Variants in PLEKHA7 observed in about 807,000 individuals in gnomAD.
PLEKHA7 encodes the protein pleckstrin homology domain-containing family A member 7.
PLEKHA7 carries 104 observed loss-of-function variants against 170.0 expected under a neutral mutation model. The observed-to-expected ratio is 0.61, with a 90% CI of 0.52 to 0.72. PLEKHA7 has a LOEUF of 0.72. Ranked by LOEUF, PLEKHA7 falls within the 30% of genes least tolerant of loss-of-function variation. PLEKHA7 has a pLI of 0.00. For missense variants in PLEKHA7, 1,615 were observed against 1,671.7 expected (o/e 0.97, Z 0.59); for synonymous variants, 648 against 660.8 (o/e 0.98, Z 0.30).
At chr11:16,834,194 CA>C (rs1851338805) in intron 9 of PLEKHA7, among the ~76,000 whole-genome samples, 2 of 151,598 alleles carry the variant, frequency 1.3e-5, no homozygotes, top group Admixed American at 1.3e-4. Flanking sequence ...TTAGTAGAGA[CA>C]GCATTTTGCC....
At chr11:16,975,361 A>G (rs1158985834) in intron 3 of PLEKHA7, among the ~76,000 whole-genome samples, 1 of 152,258 alleles carries the variant, frequency 6.6e-6, no homozygotes, top group African/African-American at 2.4e-5. Flanking sequence ...CAACTCCAAA[A>G]AATTTTATCG....
At chr11:16,982,166 T>C (rs1863469200) in intron 3 of PLEKHA7, among the ~76,000 whole-genome samples, 1 of 152,210 alleles carries the variant, frequency 6.6e-6, no homozygotes, top group African/African-American at 2.4e-5. Context: ...TACAAATAGA[T>C]ATCTGAATGG....
chr11:16,819,799 G>A (rs1200575271), intron 10 of PLEKHA7, among the ~76,000 whole-genome samples: 1 of 152,220 alleles, frequency 6.6e-6, no homozygotes, highest in South Asian at 2.1e-4. Flanking sequence ...GTTTTGGGAG[G>A]GAGAGGAGAG....
intron 3 of PLEKHA7, chr11:16,975,093 T>A: frequency 5.0e-6 from 3 of 599,604 alleles, no homozygotes; most frequent in Non-Finnish European, 7.1e-6. Context: ...CTATGAGATT[T>A]CATCACATGC....
intron 26 of PLEKHA7, among the ~76,000 whole-genome samples, chr11:16,782,134 CACAT>C (rs920523629): frequency 4.7e-5 from 7 of 150,202 alleles, no homozygotes; most frequent in African/African-American, 9.8e-5. Flanking sequence ...CATACACACA[CACAT>C]AGACACACAT....
At chr11:16,932,954 C>A (rs1482688433) in intron 3 of PLEKHA7, among the ~76,000 whole-genome samples, 1 of 152,078 alleles carries the variant, frequency 6.6e-6, no homozygotes, top group African/African-American at 2.4e-5. Flanking sequence ...TCGGGTTAGC[C>A]TTATAATACC....
chr11:16,882,503 T>C (rs1471646431), intron 3 of PLEKHA7, among the ~76,000 whole-genome samples: 1 of 152,368 alleles, frequency 6.6e-6, no homozygotes, highest in East Asian at 1.9e-4. Context: ...AAATACCGAA[T>C]TGCCATAGCA....
intron 3 of PLEKHA7, among the ~76,000 whole-genome samples, chr11:16,910,437 T>A (rs1292975543): frequency 6.6e-6 from 1 of 152,226 alleles, no homozygotes; most frequent in Non-Finnish European, 1.5e-5. Context: ...GTGACTTCAT[T>A]TATGTTTGTA....
Position 16,786,282 on chromosome 11 carries a change from C to T in PLEKHA7, c.3463G>A (p.Val1155Ile). Residue 1155 changes from valine (V) to isoleucine (I), a missense_variant, in exon 24 of 27, where the codon GTC becomes ATC. Coordinates refer to ENST00000531066, the MANE Select transcript of PLEKHA7 (RefSeq NM_001329630.2). The part of the protein sequence containing the change: ...NGWLKVQAMP[V>I]TELDLEPQDY... ...TGAGGCTCCAGGTCCAACTCAGTGA[C>T]AGGCATGGCCTGCACTTTCAACCAG... is the stretch of plus-strand genomic sequence containing the variant. The T allele has an allele frequency of 1.3e-6, 2 of 1,536,172 alleles. No individual in the cohort carries two copies. The highest frequency in any genetic ancestry group is 1.7e-6 in the Non-Finnish European group (2 of 1,146,908).
At chr11:16,816,579 C>G (rs1195700177) in intron 11 of PLEKHA7, among the ~76,000 whole-genome samples, 3 of 152,186 alleles carry the variant, frequency 2.0e-5, no homozygotes, top group Non-Finnish European at 4.4e-5. Context: ...GAGTTCTCAT[C>G]TTTGAAATGG....
intron 3 of PLEKHA7, among the ~76,000 whole-genome samples, chr11:16,978,958 G>A (rs1028438641): frequency 6.6e-6 from 1 of 152,134 alleles, no homozygotes; most frequent in Admixed American, 6.5e-5. Context: ...TATGGTCACA[G>A]GGGTCCTCTA....
chr11:16,803,550 A>G (rs957982899), intron 13 of PLEKHA7: 9 of 481,496 alleles, frequency 1.9e-5, no homozygotes, highest in African/African-American at 1.6e-4. Context: ...TAGATGTTCA[A>G]GTTAAAGGAT....
rs35400424 is a variant in PLEKHA7 at position 16,823,656 on chromosome 11, T to C, written c.1343+2464A>G. On this transcript the variant is annotated intron_variant, in intron 10 of 26. Coordinates refer to ENST00000531066, the MANE Select transcript of PLEKHA7 (RefSeq NM_001329630.2). ...ATCTACCTATTAACCAAGCCAAATC[T>C]GAATGCTAACTCCAACTCCACCCAT... 3.9e-3 allele frequency among the ~76,000 whole-genome samples: 594 copies of C among 152,276 alleles called. 3 individuals carry two copies. The highest frequency in any genetic ancestry group is 7.2e-3 in the Non-Finnish European group (492 of 68,028).
rs1302039567 is a variant in PLEKHA7 at position 16,977,130 on chromosome 11, C to T, written c.221+36859G>A. On this transcript the variant is annotated intron_variant, in intron 3 of 26. Coordinates refer to ENST00000531066, the MANE Select transcript of PLEKHA7 (RefSeq NM_001329630.2). ...GAGGTAACCTCCTCCTCTCTCCCTC[C>T]ACCACTCTGCACTTTAAACAAACCA... is the stretch of plus-strand genomic sequence containing the variant. Among the ~76,000 whole-genome samples the T allele has an allele frequency of 3.3e-5, 5 of 152,208 alleles. No individual in the cohort carries two copies. The East Asian group carries it at 9.6e-4, about 29-fold the overall frequency.
At chr11:16,948,255 T>C (rs1040685486) in intron 3 of PLEKHA7, among the ~76,000 whole-genome samples, 3 of 152,200 alleles carry the variant, frequency 2.0e-5, no homozygotes, top group Non-Finnish European at 4.4e-5. Context: ...AGATCTATTG[T>C]ACCTCATGGT....
At chr11:16,936,401 CAAAAA>C (rs57104068) in intron 3 of PLEKHA7, among the ~76,000 whole-genome samples, 88 of 68,142 alleles carry the variant, frequency 1.3e-3, no homozygotes, top group Non-Finnish European at 2.0e-3. Context: ...GACTCTGTCT[CAAAAA>C]AAAAAAAAAA....
At chr11:16,887,013 T>C (rs558001717) in intron 3 of PLEKHA7, among the ~76,000 whole-genome samples, 2 of 152,322 alleles carry the variant, frequency 1.3e-5, no homozygotes, top group South Asian at 4.1e-4. Context: ...TTAGGAGCTA[T>C]AACTTCTCAG....
intron 3 of PLEKHA7, among the ~76,000 whole-genome samples, chr11:16,907,199 G>A (rs1240576235): frequency 7.0e-5 from 7 of 100,290 alleles, no homozygotes; most frequent in South Asian, 3.4e-4. Flanking sequence ...CGCCCCATCC[G>A]GGAGGGAGGT....
chr11:17,013,842 C>G (rs1003442936), intron 3 of PLEKHA7, 147 bp downstream of exon 3: 1 of 1,007,622 alleles, frequency 9.9e-7, no homozygotes, highest in African/African-American at 1.7e-5. Flanking sequence ...AACTTGGGCA[C>G]ACAAAACGTT....
Sources: allele counts gnomAD v4.1 joint callset (sites outside exome capture counted in the v4.1 genomes callset), GRCh38; gene constraint gnomAD v4.1.1; transcripts MANE v1.5; gene names NCBI Gene and HGNC (gene_info 2026-07-23, HGNC 2026-07-21).